Variants in C12orf42 observed in about 807,000 individuals in gnomAD.
The protein encoded by C12orf42 is chromosome 12 open reading frame 42.
Under a neutral mutation model 21.6 loss-of-function variants are expected in C12orf42, and 25 were observed. That is an observed-to-expected ratio of 1.16 (90% CI 0.84 to 1.62). C12orf42 has a LOEUF of 1.62. C12orf42 is among the 40% of genes most tolerant of loss of function. C12orf42 has a pLI of 0.00. For synonymous variants in C12orf42, 174 were observed against 175.0 expected (o/e 0.99, Z 0.05); for missense variants, 483 against 459.3 (o/e 1.05, Z -0.47).
the C12orf42 span, among the ~76,000 whole-genome samples, chr12:103,166,063 A>G: frequency 6.7e-6 from 1 of 149,054 alleles, no homozygotes; most frequent in Non-Finnish European, 1.5e-5. Flanking sequence ...AGAAAAAAGA[A>G]AGAGAGAGAG....
At chr12:103,322,421 G>A (rs2040269535) in intron 4 of C12orf42, among the ~76,000 whole-genome samples, 1 of 152,034 alleles carries the variant, frequency 6.6e-6, no homozygotes, top group Admixed American at 6.6e-5. Flanking sequence ...GGCAGCTATT[G>A]GAGACCATGT....
the C12orf42 span, among the ~76,000 whole-genome samples, chr12:103,515,298 T>TA: frequency 8.5e-5 from 13 of 152,206 alleles, no homozygotes; most frequent in East Asian, 5.8e-4. Flanking sequence ...CTTCTTGAGG[T>TA]AAAAAAATGC....
intron 5 of C12orf42, among the ~76,000 whole-genome samples, chr12:103,275,175 T>C (rs74949082): frequency 0.14 from 21,274 of 152,114 alleles, 1,652 homozygotes; most frequent in South Asian, 0.22. Context: ...ACCTTATTTC[T>C]ATGAGTAAAT....
intron 2 of C12orf42, among the ~76,000 whole-genome samples, chr12:103,410,798 G>A (rs1461143696): frequency 6.6e-6 from 1 of 152,158 alleles, no homozygotes; most frequent in African/African-American, 2.4e-5. Context: ...ATTAAAAGTA[G>A]AAGACTCTGT....
the C12orf42 span, among the ~76,000 whole-genome samples, chr12:103,208,801 A>C: frequency 6.6e-6 from 1 of 152,134 alleles, no homozygotes; most frequent in Admixed American, 6.5e-5. Flanking sequence ...GTTTGCTCTC[A>C]CTCTAAGCAG....
intron 2 of C12orf42, among the ~76,000 whole-genome samples, chr12:103,423,391 T>C (rs906533299): frequency 1.3e-5 from 2 of 152,228 alleles, no homozygotes; most frequent in African/African-American, 2.4e-5. Flanking sequence ...TCTTGAGGCT[T>C]AATTACATTA....
chr12:103,138,881 C>G, the C12orf42 span, among the ~76,000 whole-genome samples: 2,931 of 152,212 alleles, frequency 0.019, 59 homozygotes, highest in African/African-American at 0.048. Flanking sequence ...AATCAAACTT[C>G]TCTACAGTGT....
intron 2 of C12orf42, among the ~76,000 whole-genome samples, chr12:103,451,956 G>A (rs1292675311): frequency 6.6e-6 from 1 of 151,848 alleles, no homozygotes; most frequent in African/African-American, 2.4e-5. Flanking sequence ...GGTGACTATG[G>A]CTATGTAACA....
the C12orf42 span, among the ~76,000 whole-genome samples, chr12:103,109,842 TTAAG>T: frequency 6.6e-6 from 1 of 152,042 alleles, no homozygotes; most frequent in African/African-American, 2.4e-5. Flanking sequence ...CTATTGTTAA[TTAAG>T]TAACAAACAA....
At position 103,349,397 on chromosome 12, in the gene C12orf42, C is replaced by T. The variant is rs539044465; in HGVS notation, c.259+19490G>A. On this transcript the variant is annotated intron_variant, in intron 4 of 5. Coordinates refer to ENST00000548883, the MANE Select transcript of C12orf42 (RefSeq NM_198521.5). Reference sequence around the variant, plus strand: ...GGAAGATGAGGAACCTAGGAAATTTCGGAGTTCCCTGTTGAAAACATAGAA... The same window carrying T: ...GGAAGATGAGGAACCTAGGAAATTTTGGAGTTCCCTGTTGAAAACATAGAA... 7 of 152,238 alleles carry T rather than the reference C, an allele frequency of 4.6e-5. No homozygotes were observed. The South Asian group carries it at 1.4e-3, about 32-fold the overall frequency. The allele number at this position is 152,238 out of a possible 1,614,324, so 9.4% of individuals were successfully genotyped here. A position where few individuals can be genotyped will look rare whatever the true frequency, so the allele number is the denominator to read the frequency against.
At chr12:103,425,645 C>A (rs1035726071) in intron 2 of C12orf42, among the ~76,000 whole-genome samples, 9 of 152,122 alleles carry the variant, frequency 5.9e-5, no homozygotes, top group Non-Finnish European at 1.3e-4. Context: ...GCATCAACAT[C>A]AACAAAAAAG....
rs895338586 is a variant in C12orf42 at position 103,484,952 on chromosome 12, C to T, written c.-21-6505G>A. Among the ~76,000 whole-genome samples the T allele has an allele frequency of 9.7e-5, 14 of 144,920 alleles. No homozygotes were observed. The South Asian group carries it at 1.3e-3, about 14-fold the overall frequency. ...TGGCACAATCTCGGCTCACTGCAAG[C>T]TCCACCTCCTGGGTTCATGCCATTC... On this transcript the variant is annotated intron_variant, in intron 1 of 5. Coordinates refer to ENST00000548883, the MANE Select transcript of C12orf42 (RefSeq NM_198521.5).
At chr12:103,447,868 C>G (rs1029929174) in intron 2 of C12orf42, among the ~76,000 whole-genome samples, 4 of 152,058 alleles carry the variant, frequency 2.6e-5, no homozygotes, top group African/African-American at 9.6e-5. Flanking sequence ...GACCATACTG[C>G]CAAAAGCAAT....
At chr12:103,311,184 G>A (rs1374656637) in intron 4 of C12orf42, among the ~76,000 whole-genome samples, 1 of 152,128 alleles carries the variant, frequency 6.6e-6, no homozygotes, top group Admixed American at 6.5e-5. Context: ...CAGGCATTGT[G>A]TGTATGCATG....
chr12:103,299,202 T>A (rs1184413608), downstream of C12orf42, among the ~76,000 whole-genome samples: 4 of 152,028 alleles, frequency 2.6e-5, no homozygotes, highest in African/African-American at 9.7e-5. Context: ...TGTATGTGTA[T>A]CATTATTATC....
intron 4 of C12orf42, among the ~76,000 whole-genome samples, chr12:103,364,643 TGA>T (rs2044428648): frequency 6.6e-6 from 1 of 151,588 alleles, no homozygotes; most frequent in South Asian, 2.1e-4. Context: ...GGAAAGAAAA[TGA>T]GAGATATTAC....
the C12orf42 span, among the ~76,000 whole-genome samples, chr12:103,501,485 G>A: frequency 6.6e-6 from 1 of 152,214 alleles, no homozygotes; most frequent in South Asian, 2.1e-4. Flanking sequence ...AGTGAGCGCA[G>A]AGTTGGGAAA....
At chr12:103,353,755 T>TC (rs1259559257) in intron 4 of C12orf42, among the ~76,000 whole-genome samples, 1 of 152,108 alleles carries the variant, frequency 6.6e-6, no homozygotes, top group Non-Finnish European at 1.5e-5. Flanking sequence ...AAAATCCCAC[T>TC]CCAAACACTT....
the C12orf42 span, among the ~76,000 whole-genome samples, chr12:103,172,305 A>T: frequency 6.6e-6 from 1 of 152,106 alleles, no homozygotes; most frequent in Non-Finnish European, 1.5e-5. Context: ...AGTCTAGCTC[A>T]TGAGTACGTG....
Sources: gnomAD v4.1 joint callset for allele counts (sites outside exome capture counted in the v4.1 genomes callset) on GRCh38, gnomAD v4.1.1 for gene constraint, MANE v1.5 for transcripts, NCBI Gene and HGNC (gene_info 2026-07-23, HGNC 2026-07-21) for gene names.